The following WNT4 variants were observed in gnomAD, a reference collection of about 807,000 sequenced individuals.
WNT4 encodes the protein protein Wnt-4.
In WNT4, 16 loss-of-function variants were observed where a neutral mutation model predicts 34.5. The ratio of observed to expected loss-of-function variants is 0.46; its 90% confidence interval spans 0.31 to 0.70. The LOEUF is 0.70. Ranked by LOEUF, WNT4 falls within the 30% of genes least tolerant of loss-of-function variation. The pLI, the probability that WNT4 is intolerant of heterozygous loss-of-function variation, is 0.04. For missense variants in WNT4, 379 were observed against 495.9 expected (o/e 0.76, Z 2.24); for synonymous variants, 200 against 211.9 (o/e 0.94, Z 0.49).
chr1:22,123,049 T>C lies in WNT4; in HGVS notation c.314-1473A>G, dbSNP rs1645914727. Among the ~76,000 whole-genome samples, 3 of 152,200 alleles carry C rather than the reference T, an allele frequency of 2.0e-5. No homozygotes were observed. The South Asian group carries it at 6.2e-4, about 32-fold the overall frequency. On this transcript the variant is annotated intron_variant, in intron 2 of 4. Coordinates refer to ENST00000290167, the MANE Select transcript of WNT4 (RefSeq NM_030761.5). ...TTAATCGAGGTTAATAGCAGGATCA[T>C]GTTGGTTGGTTTTATGCTGTGGCCG...
Position 22,142,746 on chromosome 1 carries a change from GGCTGCCCCGCGCCC to G in WNT4, c.77+86_77+99del, listed in dbSNP as rs1024277798. The G allele has an allele frequency of 2.4e-4, 202 of 840,948 alleles. No homozygotes were observed. Among genetic ancestry groups the G allele is most frequent in the Non-Finnish European group, 2.6e-4 (184 of 699,322 alleles). 52.1% of individuals were successfully genotyped at this position (840,948 alleles called of 1,614,324 possible). A position where few individuals can be genotyped will look rare whatever the true frequency, so the allele number is the denominator to read the frequency against. On this transcript the variant is annotated intron_variant, in intron 1 of 4. Coordinates refer to ENST00000290167, the MANE Select transcript of WNT4 (RefSeq NM_030761.5). The surrounding 1 kb of genome is among the most constrained non-coding windows in gnomAD (Gnocchi z 6.0). ...GGTCCCGCGGCCGAGACACCTGCCG[GGCTGCCCCGCGCCC>G]GCTGCCCCGCGCCGCCTGGCACCGG...
At chr1:22,136,576 G>A (rs894537463) in intron 1 of WNT4, among the ~76,000 whole-genome samples, 1 of 152,176 alleles carries the variant, frequency 6.6e-6, no homozygotes, top group Admixed American at 6.5e-5. Flanking sequence ...CCCCCACCAG[G>A]GTGGGGCTCA....
chr1:22,142,843 T>C lies in WNT4; in HGVS notation c.77+3A>G. The C allele has an allele frequency of 8.3e-7, 1 of 1,208,046 alleles. No individual in the cohort carries two copies. The highest frequency in any genetic ancestry group is 1.1e-6 in the Non-Finnish European group (1 of 945,130). The allele number at this position is 1,208,046 out of a possible 1,614,324, so 74.8% of individuals were successfully genotyped here. A position where few individuals can be genotyped will look rare whatever the true frequency, so the allele number is the denominator to read the frequency against. On this transcript the variant is annotated splice_donor_region_variant and intron_variant, in intron 1 of 4. Transcript: ENST00000290167. This position sits in a 1 kb window ranked among gnomAD's most constrained non-coding sequence, Gnocchi z 6.0. ...CGCCCCGCTCGGCCCCGGCCAGACT[T>C]ACAGCCAGTTGCTCGCGGCGGCTGA...
chr1:22,137,649 AG>A lies in WNT4; in HGVS notation c.77+5196del, dbSNP rs2124132723. On this transcript the variant is annotated intron_variant, in intron 1 of 4. Transcript: ENST00000290167. The surrounding 1 kb of genome is among the most constrained non-coding windows in gnomAD (Gnocchi z 5.3). ...TGCTGTGTTGCTCAATTGCTAATCC[AG>A]GGCTGAGGGAAGAAAGTCAAACCAT... Among the ~76,000 whole-genome samples, 1 of 152,354 alleles carries A rather than the reference AG, an allele frequency of 6.6e-6. No individual in the cohort carries two copies. The highest frequency in any genetic ancestry group is 2.1e-4 in the South Asian group (1 of 4,830).
chr1:22,138,716 A>G (rs1255459534), intron 1 of WNT4, among the ~76,000 whole-genome samples: 2 of 152,118 alleles, frequency 1.3e-5, no homozygotes, highest in African/African-American at 4.8e-5. Context: ...AAAGCTGGGA[A>G]TCAAGGGCAC....
At chr1:22,136,967 TGTGTGAA>T (rs1646027169) in intron 1 of WNT4, among the ~76,000 whole-genome samples, 1 of 152,068 alleles carries the variant, frequency 6.6e-6, no homozygotes, top group Non-Finnish European at 1.5e-5. Context: ...TCAGGGCTTG[TGTGTGAA>T]CAGATTGAGA....
intron 1 of WNT4, among the ~76,000 whole-genome samples, chr1:22,138,627 G>A (rs1646041304): frequency 6.6e-6 from 1 of 152,222 alleles, no homozygotes. Flanking sequence ...GTTTGTGATT[G>A]TAATTCACTG....
intron 1 of WNT4, among the ~76,000 whole-genome samples, chr1:22,138,648 C>T (rs559942977): frequency 1.3e-5 from 2 of 152,190 alleles, no homozygotes; most frequent in South Asian, 2.1e-4. Context: ...CCCAGAGCCA[C>T]GGAGGAGCTC....
chr1:22,127,624 A>G lies in WNT4; in HGVS notation c.313+1992T>C, dbSNP rs112702100. The G allele has an allele frequency of 9.0e-4, 335 of 370,812 alleles. 3 individuals are homozygous for G. Among genetic ancestry groups the G allele is most frequent in the African/African-American group, 6.4e-3 (300 of 47,212 alleles). 23.0% of individuals were successfully genotyped at this position (370,812 alleles called of 1,614,324 possible). ...AGCAGTGTGAACACAAATGGCTTAG[A>G]CAAAAATGTGTGTCTATATATAGAA... On this transcript the variant is annotated intron_variant, in intron 2 of 4. Transcript: ENST00000290167.
At position 22,117,697 on chromosome 1, in the gene WNT4, A is replaced by G. The variant is rs74059876; in HGVS notation, c.*2353T>C. 0.013 allele frequency: 2,040 copies of G among 152,390 alleles called. 54 individuals carry two copies. The highest frequency in any genetic ancestry group is 0.046 in the African/African-American group (1,904 of 41,548). 9.4% of individuals were successfully genotyped at this position (152,390 alleles called of 1,614,324 possible). A position where few individuals can be genotyped will look rare whatever the true frequency, so the allele number is the denominator to read the frequency against. ...GTTGGCCTGGGCAGTGGTTCCTAGA[A>G]TTTGGTCTCATTAACCTAGGTCGCA... On this transcript the variant is annotated 3_prime_UTR_variant, in exon 5 of 5. Coordinates refer to ENST00000290167, the MANE Select transcript of WNT4 (RefSeq NM_030761.5).
In WNT4 at chr1:22,139,368, C is replaced by T. The variant is rs1329771913; in HGVS notation, c.77+3478G>A. On this transcript the variant is annotated intron_variant, in intron 1 of 4. Transcript: ENST00000290167. The surrounding 1 kb of genome is among the most constrained non-coding windows in gnomAD (Gnocchi z 4.6). The stretch of plus-strand genomic sequence containing the variant: ...ATTGTGCACCATTTGCATCAGTGGG[C>T]TCCATTTTACAGATGAGAAACCCGA... 6.6e-6 allele frequency among the ~76,000 whole-genome samples: 1 copy of T among 152,196 alleles called. No individual in the cohort carries two copies. The highest frequency in any genetic ancestry group is 1.5e-5 in the Non-Finnish European group (1 of 68,034).
In WNT4 at chr1:22,118,380, C is replaced by G. The variant is rs573630936; in HGVS notation, c.*1670G>C. 1.5e-4 allele frequency: 23 copies of G among 152,340 alleles called. No homozygotes were observed. The highest frequency in any genetic ancestry group is 5.3e-4 in the African/African-American group (22 of 41,578). 9.4% of individuals were successfully genotyped at this position (152,340 alleles called of 1,614,324 possible). On this transcript the variant is annotated 3_prime_UTR_variant, in exon 5 of 5. Coordinates refer to ENST00000290167, the MANE Select transcript of WNT4 (RefSeq NM_030761.5). ...GAAAGTGGGCTTACAGCAACTTCCT[C>G]TGGTGATTGGGAGCCCATCTGAGAA... is the stretch of plus-strand genomic sequence containing the variant.
rs939449106 is a variant in WNT4, at chr1:22,139,799, G to T, written c.77+3047C>A. 6.6e-6 allele frequency among the ~76,000 whole-genome samples: 1 copy of T among 152,204 alleles called. No individual in the cohort carries two copies. Among genetic ancestry groups the T allele is most frequent in the Non-Finnish European group, 1.5e-5 (1 of 68,028 alleles). On this transcript the variant is annotated intron_variant, in intron 1 of 4. Coordinates refer to ENST00000290167, the MANE Select transcript of WNT4 (RefSeq NM_030761.5). The surrounding 1 kb of genome is among the most constrained non-coding windows in gnomAD (Gnocchi z 4.6). ...ATTTCTGAGCTCAGGTCCGTGGCAG[G>T]GCAGCCTCCTTAAGGGCAGAGTCCC...
chr1:22,129,955 A>G lies in WNT4; in HGVS notation c.78-104T>C, dbSNP rs1230376652. The G allele has an allele frequency of 3.7e-6, 5 of 1,356,592 alleles. No individual in the cohort carries two copies. In the Admixed American group the frequency reaches 6.8e-5, roughly 18 times the overall value. The allele number at this position is 1,356,592 out of a possible 1,614,324, so 84.0% of individuals were successfully genotyped here. On this transcript the variant is annotated intron_variant, in intron 1 of 4. Coordinates refer to ENST00000290167, the MANE Select transcript of WNT4 (RefSeq NM_030761.5). ...GGGTCTCTGGGAACTGACTCGTCCC[A>G]GTGACTGGGCCTGGCTGCCGACTTC...
rs529344779 is a variant in WNT4, at chr1:22,136,565, AC to A, written c.77+6280del. ...AGCCTGTGGCTGAACCCCTACTCCC[AC>A]CCCCACCAGGGTGGGGCTCATCCCC... On this transcript the variant is annotated intron_variant, in intron 1 of 4. Transcript: ENST00000290167. Among the ~76,000 whole-genome samples the A allele has an allele frequency of 9.2e-5, 14 of 151,902 alleles. No individual in the cohort carries two copies. In the East Asian group the frequency reaches 2.7e-3, roughly 29 times the overall value.
intron 2 of WNT4, among the ~76,000 whole-genome samples, chr1:22,122,297 T>C (rs1274488433): frequency 6.6e-6 from 1 of 152,134 alleles, no homozygotes; most frequent in Non-Finnish European, 1.5e-5. Context: ...CCCCATTTTA[T>C]AGACGGAGAA....
chr1:22,132,950 A>G (rs1308294115), intron 1 of WNT4, among the ~76,000 whole-genome samples: 1 of 152,140 alleles, frequency 6.6e-6, no homozygotes, highest in Non-Finnish European at 1.5e-5. Flanking sequence ...AACCCCAGGC[A>G]TTACAGGCCC....
rs1646079320 is a variant in WNT4, at chr1:22,142,610, C to G, written c.77+236G>C. On this transcript the variant is annotated intron_variant, in intron 1 of 4. Transcript: ENST00000290167. The surrounding 1 kb of genome is among the most constrained non-coding windows in gnomAD (Gnocchi z 6.0). The stretch of plus-strand genomic sequence containing the variant: ...CCGCCTACCGGTGCGGACGCCGCCA[C>G]AGCCACCCCTGACGCCTCTGGGCAG... Among the ~76,000 whole-genome samples the G allele has an allele frequency of 6.6e-6, 1 of 151,868 alleles. No homozygotes were observed. The highest frequency in any genetic ancestry group is 1.5e-5 in the Non-Finnish European group (1 of 67,918).
At chr1:22,128,964 C>T (rs2124117159) in intron 2 of WNT4, among the ~76,000 whole-genome samples, 1 of 152,076 alleles carries the variant, frequency 6.6e-6, no homozygotes, top group East Asian at 1.9e-4. Context: ...TCATGATCCG[C>T]CCGCCTGGGC....
Sources: gnomAD v4.1 joint callset for allele counts (sites outside exome capture counted in the v4.1 genomes callset) on GRCh38, gnomAD v4.1.1 for gene constraint, Gnocchi (gnomAD v3.1) non-coding constraint, MANE v1.5 for transcripts, NCBI Gene and HGNC (gene_info 2026-07-23, HGNC 2026-07-21) for gene names.